OPA3: variants seen among roughly 807,000 people sequenced by gnomAD.
OPA3 encodes the protein optic atrophy 3 protein.
Under a neutral mutation model 4.0 loss-of-function variants are expected in OPA3, and 6 were observed. The observed-to-expected ratio is 1.51, with a 90% CI of 0.83 to 2.99. The LOEUF is 2.99. Among genes scored for constraint, OPA3 ranks in the 30% most tolerant of loss-of-function variants. The probability of loss-of-function intolerance (pLI) is 0.00; values close to 1 mark genes in which losing one functional copy is unlikely to be tolerated. For synonymous variants in OPA3, 105 were observed against 117.1 expected, an observed-to-expected ratio of 0.90 and a Z score of 0.67; for missense variants, 235 against 256.2, an observed-to-expected ratio of 0.92 and a Z score of 0.56.
chr19:45,571,550 T>C (rs1285947833), intron 1 of OPA3, among the ~76,000 whole-genome samples: 1 of 152,166 alleles, frequency 6.6e-6, no homozygotes, highest in Non-Finnish European at 1.5e-5. Flanking sequence ...TAATAAATGT[T>C]TGGAGGTCAC....
exon 2 of OPA3, chr19:45,528,745 T>G (rs1317960049): frequency 1.6e-5 from 5 of 305,900 alleles, no homozygotes; most frequent in Non-Finnish European, 2.9e-5. Flanking sequence ...GGTAGGGAGG[T>G]GGGGTCTGAT....
intron 1 of OPA3, among the ~76,000 whole-genome samples, chr19:45,572,757 C>A (rs1393601234): frequency 5.8e-5 from 7 of 121,404 alleles, no homozygotes; most frequent in Non-Finnish European, 9.7e-5. Flanking sequence ...ATATATATCT[C>A]GATATATATC....
At chr19:45,559,333 G>A (rs1969467520) in intron 1 of OPA3, among the ~76,000 whole-genome samples, 1 of 150,420 alleles carries the variant, frequency 6.6e-6, no homozygotes, top group African/African-American at 2.4e-5. Flanking sequence ...ATGGACAATG[G>A]TCTTTCTTTC....
At chr19:45,529,062 C>A (rs748857760) in exon 2 of OPA3, 2 of 1,599,754 alleles carry the variant, frequency 1.3e-6, no homozygotes, top group Non-Finnish European at 1.7e-6. Flanking sequence ...CCTCCTATTT[C>A]TCGGACGCCG....
At chr19:45,528,990 T>C (rs185891858) in exon 2 of OPA3, 44 of 1,531,018 alleles carry the variant, frequency 2.9e-5, no homozygotes, top group Admixed American at 1.8e-4. Flanking sequence ...GTGCGGAGAA[T>C]AGGCCAAGAC....
chr19:45,567,902 A>T (rs1969606547), intron 1 of OPA3, among the ~76,000 whole-genome samples: 1 of 152,208 alleles, frequency 6.6e-6, no homozygotes, highest in African/African-American at 2.4e-5. Context: ...ATCAGTCAAT[A>T]AATTATTATT....
intron 1 of OPA3, among the ~76,000 whole-genome samples, chr19:45,534,989 A>T (rs1969100898): frequency 6.6e-6 from 1 of 152,098 alleles, no homozygotes; most frequent in Non-Finnish European, 1.5e-5. Context: ...TCAATGAGTT[A>T]CTCATTACAG....
Position 45,550,811 on chromosome 19 carries a change from T to A in OPA3, c.*2703A>T, listed in dbSNP as rs952436841. The A allele has an allele frequency of 1.5e-5, 15 of 985,812 alleles. No individual in the cohort carries two copies. The African/African-American group carries it at 2.4e-4, about 16-fold the overall frequency. 61.1% of individuals were successfully genotyped at this position (985,812 alleles called of 1,614,324 possible). A position where few individuals can be genotyped will look rare whatever the true frequency, so the allele number is the denominator to read the frequency against. On this transcript the variant is annotated 3_prime_UTR_variant, in exon 2 of 2. Transcript: ENST00000263275. ...AGCTCCTCTAATGAGAGAGCTACAG[T>A]CGGAAGGACAGACTGCAGGCTACTG...
exon 2 of OPA3, chr19:45,528,869 A>C: frequency 1.6e-6 from 1 of 624,850 alleles, no homozygotes; most frequent in Middle Eastern, 4.5e-4. Flanking sequence ...GTCCCAGTGG[A>C]AGGTACCACT....
chr19:45,561,516 G>A (rs565237982), intron 1 of OPA3, among the ~76,000 whole-genome samples: 25 of 152,244 alleles, frequency 1.6e-4, no homozygotes, highest in Non-Finnish European at 3.2e-4. Flanking sequence ...ATGGCAAGAC[G>A]GCCATGACGA....
At position 45,551,620 on chromosome 19, in the gene OPA3, A is replaced by T; in HGVS notation, c.*1894T>A. 1 of 771,410 alleles carries T rather than the reference A, an allele frequency of 1.3e-6. No individual in the cohort carries two copies. Among genetic ancestry groups the T allele is most frequent in the Non-Finnish European group, 1.6e-6 (1 of 634,628 alleles). 47.8% of individuals were successfully genotyped at this position (771,410 alleles called of 1,614,324 possible). A position where few individuals can be genotyped will look rare whatever the true frequency, so the allele number is the denominator to read the frequency against. ...TCTGGACTCCAGAACTGTGTGAATT[A>T]AATTCCTGTTGGACTTAAGCCATCA... On this transcript the variant is annotated 3_prime_UTR_variant, in exon 2 of 2. Coordinates refer to ENST00000263275, the MANE Select transcript of OPA3 (RefSeq NM_025136.4).
rs1457142529 is a variant in OPA3 at position 45,552,077 on chromosome 19, C to G, written c.*1437G>C. On this transcript the variant is annotated 3_prime_UTR_variant, in exon 2 of 2. Coordinates refer to ENST00000263275, the MANE Select transcript of OPA3 (RefSeq NM_025136.4). ...GGAAAGGGGGGTTGGAGGACATTCA[C>G]AGAAAAGATCCTGTAGTGCCATTCC... 13 of 985,422 alleles carry G rather than the reference C, an allele frequency of 1.3e-5. No individual in the cohort carries two copies. Among genetic ancestry groups the G allele is most frequent in the Non-Finnish European group, 1.6e-5 (13 of 830,006 alleles). 61.0% of individuals were successfully genotyped at this position (985,422 alleles called of 1,614,324 possible).
chr19:45,549,214 T>C lies in OPA3; in HGVS notation c.*4300A>G, dbSNP rs886308074. The C allele has an allele frequency of 4.1e-6, 4 of 985,430 alleles. No homozygotes were observed. Among genetic ancestry groups the C allele is most frequent in the Non-Finnish European group, 4.8e-6 (4 of 829,930 alleles). 61.0% of individuals were successfully genotyped at this position (985,430 alleles called of 1,614,324 possible). A position where few individuals can be genotyped will look rare whatever the true frequency, so the allele number is the denominator to read the frequency against. ...CCAAATTACAAGGTACACAGAATTCTAGCTAGCAGAACACACGAGCAGTGA... is the reference window on the plus strand; with the variant it reads ...CCAAATTACAAGGTACACAGAATTCCAGCTAGCAGAACACACGAGCAGTGA... On this transcript the variant is annotated 3_prime_UTR_variant, in exon 2 of 2. Transcript: ENST00000263275.
intron 1 of OPA3, among the ~76,000 whole-genome samples, chr19:45,535,791 G>T: frequency 7.1e-6 from 1 of 139,900 alleles, no homozygotes; most frequent in African/African-American, 2.7e-5. Flanking sequence ...AAGAGTTGAG[G>T]TCTCACCCTG....
chr19:45,568,058 G>C (rs1469574453), intron 1 of OPA3, among the ~76,000 whole-genome samples: 1 of 152,106 alleles, frequency 6.6e-6, no homozygotes, highest in Non-Finnish European at 1.5e-5. Context: ...GAGTGCACTG[G>C]TACGATCTCA....
chr19:45,571,884 T>C (rs1969671695), intron 1 of OPA3, among the ~76,000 whole-genome samples: 1 of 152,164 alleles, frequency 6.6e-6, no homozygotes, highest in Non-Finnish European at 1.5e-5. Flanking sequence ...CCAACTGTTG[T>C]AGCTGTCCTT....
chr19:45,533,208 T>C (rs1290587673), intron 1 of OPA3, among the ~76,000 whole-genome samples: 1 of 151,228 alleles, frequency 6.6e-6, no homozygotes, highest in Admixed American at 6.6e-5. Context: ...TTTTTCTTTT[T>C]TTTTTAAGGC....
intron 1 of OPA3, among the ~76,000 whole-genome samples, chr19:45,582,620 A>G (rs1046655462): frequency 6.6e-6 from 1 of 151,974 alleles, no homozygotes; most frequent in African/African-American, 2.4e-5. Flanking sequence ...TTGGTCAGAG[A>G]TGAAATCACA....
intron 1 of OPA3, among the ~76,000 whole-genome samples, chr19:45,561,677 A>T (rs1405515915): frequency 6.6e-6 from 1 of 152,190 alleles, no homozygotes; most frequent in Admixed American, 6.5e-5. Flanking sequence ...ATAATAAAAG[A>T]TGGGGAAGAT....
Sources: allele counts gnomAD v4.1 joint callset (sites outside exome capture counted in the v4.1 genomes callset), GRCh38; gene constraint gnomAD v4.1.1; transcripts MANE v1.5; gene names NCBI Gene and HGNC (gene_info 2026-07-23, HGNC 2026-07-21).